SSU72: variants seen among roughly 807,000 people sequenced by gnomAD.
SSU72 encodes SSU72 homolog, RNA polymerase II CTD phosphatase.
SSU72 carries 12 observed loss-of-function variants against 22.7 expected under a neutral mutation model. The observed-to-expected ratio is 0.53, with a 90% CI of 0.34 to 0.86. The LOEUF (loss-of-function observed/expected upper bound fraction) is 0.86. SSU72 is among the 40% of genes least tolerant of loss of function. SSU72 has a pLI of 0.02. For missense variants in SSU72, 151 were observed against 249.8 expected (o/e 0.60, Z 2.67); for synonymous variants, 116 against 98.3 (o/e 1.18, Z -1.06).
At chr1:1,558,402 C>T (rs780480292) in intron 2 of SSU72, among the ~76,000 whole-genome samples, 47 of 151,838 alleles carry the variant, frequency 3.1e-4, no homozygotes, top group Admixed American at 5.9e-4. Context: ...AAACCCCAAA[C>T]GTCATTAGAA....
chr1:1,555,948 T>C (rs570756625), intron 2 of SSU72, among the ~76,000 whole-genome samples: 1 of 152,210 alleles, frequency 6.6e-6, no homozygotes, highest in East Asian at 1.9e-4. Flanking sequence ...GGAGCTATGA[T>C]GTTACCACTG....
intron 2 of SSU72, among the ~76,000 whole-genome samples, chr1:1,550,450 G>A (rs1642443218): frequency 6.6e-6 from 1 of 152,212 alleles, no homozygotes; most frequent in East Asian, 1.9e-4. Context: ...TGACTTTCCT[G>A]GCTAAGCCTA....
chr1:1,549,731 T>C (rs1469133804), intron 2 of SSU72, among the ~76,000 whole-genome samples: 1 of 151,610 alleles, frequency 6.6e-6, no homozygotes, highest in Admixed American at 6.6e-5. Context: ...TCCCAGCACT[T>C]TGGGAGGCCG....
chr1:1,544,879 A>G lies in SSU72; in HGVS notation c.348T>C (p.Tyr116=), dbSNP rs772294979. 40 of 1,614,054 alleles carry G rather than the reference A, an allele frequency of 2.5e-5. No individual in the cohort carries two copies. In the Admixed American group the frequency reaches 6.5e-4, roughly 26 times the overall value. ...DLILTCEERV[Y]DQVVEDLNSR... The stretch of plus-strand genomic sequence containing the variant: ...CCTCCTCACCTTCCACCACCTGGTC[A>G]TACACTCTCTCTTCGCAAGTGAGGA... Residue 116 remains tyrosine (Y), a synonymous_variant, in exon 3 of 5, where the codon TAT becomes TAC. Coordinates refer to ENST00000291386, the MANE Select transcript of SSU72 (RefSeq NM_014188.3).
At chr1:1,574,264 G>A (rs1386129028) in intron 1 of SSU72, among the ~76,000 whole-genome samples, 1 of 152,012 alleles carries the variant, frequency 6.6e-6, no homozygotes, top group African/African-American at 2.4e-5. Flanking sequence ...CCGGACAGCG[G>A]GCGCCTCGTC....
chr1:1,550,586 C>T (rs974558457), intron 2 of SSU72, among the ~76,000 whole-genome samples: 5 of 152,240 alleles, frequency 3.3e-5, no homozygotes, highest in African/African-American at 1.2e-4. Flanking sequence ...AGCCCCGGGC[C>T]CCAGGCTGCT....
At chr1:1,573,927 A>C (rs1017441409) in intron 1 of SSU72, among the ~76,000 whole-genome samples, 3 of 152,072 alleles carry the variant, frequency 2.0e-5, no homozygotes, top group African/African-American at 7.2e-5. Context: ...GCCAGTTAGC[A>C]GGGAATATAA....
intron 2 of SSU72, among the ~76,000 whole-genome samples, chr1:1,553,530 C>T (rs1642479023): frequency 6.7e-6 from 1 of 150,250 alleles, no homozygotes; most frequent in South Asian, 2.1e-4. Context: ...AATCCCAGCA[C>T]TTTGGGAGGC....
intron 2 of SSU72, among the ~76,000 whole-genome samples, chr1:1,548,723 C>A (rs1181537669): frequency 1.3e-5 from 2 of 152,214 alleles, no homozygotes; most frequent in Non-Finnish European, 2.9e-5. Flanking sequence ...CGCTCACCCA[C>A]TCTGCGTCCT....
chr1:1,552,045 T>C (rs1461262934), intron 2 of SSU72, among the ~76,000 whole-genome samples: 1 of 152,104 alleles, frequency 6.6e-6, no homozygotes, highest in South Asian at 2.1e-4. Context: ...GGAAACCGAG[T>C]GTGAGGCTGA....
rs1374096178 is a variant in SSU72, at chr1:1,542,647, G to A, written c.484-480C>T. Among the ~76,000 whole-genome samples, 1 of 152,018 alleles carries A rather than the reference G, an allele frequency of 6.6e-6. No individual in the cohort carries two copies. Among genetic ancestry groups the A allele is most frequent in the Non-Finnish European group, 1.5e-5 (1 of 67,996 alleles). ...TCCTAGGCACACCTGCCCTGGCACC[G>A]GCAGCTCGTTACTCGCCATCTCCAC... On this transcript the variant is annotated intron_variant, in intron 4 of 4. Transcript: ENST00000291386. This position sits in a 1 kb window ranked among gnomAD's most constrained non-coding sequence, Gnocchi z 4.4.
chr1:1,570,029 C>T (rs933387094), intron 1 of SSU72, among the ~76,000 whole-genome samples: 14 of 152,096 alleles, frequency 9.2e-5, no homozygotes, highest in African/African-American at 3.4e-4. Context: ...CTTTCACAAG[C>T]TTTCCCAGTG....
intron 2 of SSU72, among the ~76,000 whole-genome samples, chr1:1,549,979 A>G (rs1195860529): frequency 1.3e-5 from 2 of 150,922 alleles, no homozygotes; most frequent in Non-Finnish European, 2.9e-5. Flanking sequence ...GTCTCAAAAA[A>G]AAAAAAAAAA....
chr1:1,546,540 C>T (rs1481350504), intron 2 of SSU72: 1 of 152,212 alleles, frequency 6.6e-6, no homozygotes, highest in Non-Finnish European at 1.5e-5. Context: ...CGCCTGTCAT[C>T]CCAGCATTCT....
intron 1 of SSU72, among the ~76,000 whole-genome samples, chr1:1,567,912 C>CAAA (rs71574349): frequency 4.1e-5 from 4 of 98,360 alleles, no homozygotes; most frequent in Admixed American, 2.2e-4. Context: ...TACTCTGTTT[C>CAAA]AAAAAAAAAA....
chr1:1,543,695 A>ACCCCCTCTGTCACGGCCTCGGCCC, intron 4 of SSU72, 174 bp downstream of exon 4: 1 of 437,658 alleles, frequency 2.3e-6, no homozygotes, highest in South Asian at 2.3e-5. Context: ...GGCCTCGGCC[A>ACCCCCTCTGTCACGGCCTCGGCCC]CTCCCCACTG....
intron 2 of SSU72, among the ~76,000 whole-genome samples, chr1:1,548,183 G>A (rs1050741726): frequency 2.0e-5 from 3 of 152,186 alleles, no homozygotes; most frequent in African/African-American, 7.2e-5. Context: ...CAGGGACCAC[G>A]TTCAGTAGAG....
At chr1:1,553,105 C>T (rs1642473187) in intron 2 of SSU72, among the ~76,000 whole-genome samples, 1 of 151,712 alleles carries the variant, frequency 6.6e-6, no homozygotes, top group Non-Finnish European at 1.5e-5. Flanking sequence ...CAAAACCAGA[C>T]TAAACCCGAA....
chr1:1,544,748 TC>T (rs1348402454), intron 3 of SSU72, 114 bp downstream of exon 3: 5 of 1,496,790 alleles, frequency 3.3e-6, no homozygotes, highest in Admixed American at 1.7e-5. Context: ...TCAGGTCTGC[TC>T]CCCGGCCCCC....
Sources: allele counts gnomAD v4.1 joint callset (sites outside exome capture counted in the v4.1 genomes callset), GRCh38; gene constraint gnomAD v4.1.1; non-coding constraint Gnocchi (gnomAD v3.1); transcripts MANE v1.5; gene names NCBI Gene and HGNC (gene_info 2026-07-23, HGNC 2026-07-21).